Variants in PTPRD observed in about 807,000 individuals in gnomAD.
The protein encoded by PTPRD is receptor-type tyrosine-protein phosphatase delta.
A neutral mutation model predicts 214.5 loss-of-function variants in PTPRD; 34 were observed. That is an observed-to-expected ratio of 0.16 (90% CI 0.12 to 0.21). The LOEUF (loss-of-function observed/expected upper bound fraction) is 0.21, where lower values mean the gene tolerates loss of function less well. Among genes scored for constraint, PTPRD ranks in the 10% least tolerant of loss-of-function variants. PTPRD has a pLI of 1.00. For synonymous variants in PTPRD, 1,128 were observed against 845.7 expected (o/e 1.33, Z -5.79); for missense variants, 2,545 against 2,398.7 (o/e 1.06, Z -1.27).
intron 2 of PTPRD, among the ~76,000 whole-genome samples, chr9:10,416,375 C>T (rs1295025251): frequency 2.0e-5 from 3 of 151,534 alleles, no homozygotes; most frequent in Non-Finnish European, 3.0e-5. Context: ...GCAAAACAAA[C>T]ACAAAAGCAA....
At chr9:9,118,737 C>CAGTG (rs1325402907) in intron 10 of PTPRD, among the ~76,000 whole-genome samples, 1 of 152,132 alleles carries the variant, frequency 6.6e-6, no homozygotes, top group Non-Finnish European at 1.5e-5. Flanking sequence ...GACTAAAAAG[C>CAGTG]AGTGAGCTCA....
rs1412793098 is a variant in PTPRD at position 10,612,844 on chromosome 9, C to G, written c.-864G>C. ...GCTCCCGGCTCCTCGGAGAAGCAGC[C>G]GAGACGGCAAGGAGGAGGCGAGGCT... On this transcript the variant is annotated 5_prime_UTR_variant, in exon 1 of 46. Transcript: ENST00000381196. The G allele has an allele frequency of 6.6e-6, 1 of 152,100 alleles. No individual in the cohort carries two copies. Among genetic ancestry groups the G allele is most frequent in the Admixed American group, 6.6e-5 (1 of 15,260 alleles). The allele number at this position is 152,100 out of a possible 1,614,324, so 9.4% of individuals were successfully genotyped here.
chr9:9,074,938 T>C (rs1167315486), intron 10 of PTPRD, among the ~76,000 whole-genome samples: 1 of 151,772 alleles, frequency 6.6e-6, no homozygotes, highest in African/African-American at 2.4e-5. Context: ...TATCCTATCA[T>C]GTACCTTATC....
At chr9:10,457,662 A>G (rs1211809782) in intron 2 of PTPRD, among the ~76,000 whole-genome samples, 2 of 152,042 alleles carry the variant, frequency 1.3e-5, no homozygotes, top group African/African-American at 4.8e-5. Flanking sequence ...AAACTTTCAG[A>G]AAGTTTCCAA....
chr9:8,885,571 A>C (rs2098480489), intron 11 of PTPRD, among the ~76,000 whole-genome samples: 1 of 135,806 alleles, frequency 7.4e-6, no homozygotes, highest in Non-Finnish European at 1.5e-5. Context: ...ATCTCGGCTC[A>C]CTGAAACCTC....
chr9:8,671,233 T>G (rs1056946176), intron 12 of PTPRD, among the ~76,000 whole-genome samples: 1 of 152,216 alleles, frequency 6.6e-6, no homozygotes, highest in Non-Finnish European at 1.5e-5. Context: ...ATACTTCTCA[T>G]TTAATTTTTT....
intron 9 of PTPRD, among the ~76,000 whole-genome samples, chr9:9,345,832 T>C (rs952459510): frequency 2.2e-4 from 34 of 152,282 alleles, no homozygotes; most frequent in Admixed American, 8.5e-4. Flanking sequence ...CATTAGGTTA[T>C]TGTGATGATT....
At chr9:9,815,294 C>T (rs1335471454) in intron 5 of PTPRD, among the ~76,000 whole-genome samples, 1 of 151,902 alleles carries the variant, frequency 6.6e-6, no homozygotes, top group African/African-American at 2.4e-5. Flanking sequence ...ATAAATGGTG[C>T]CTGGAAAACT....
intron 9 of PTPRD, among the ~76,000 whole-genome samples, chr9:9,361,448 A>G (rs183368846): frequency 1.3e-5 from 2 of 151,128 alleles, no homozygotes; most frequent in East Asian, 3.9e-4. Context: ...TCAATTTTAT[A>G]CCTGATTACC....
intron 14 of PTPRD, among the ~76,000 whole-genome samples, chr9:8,590,259 A>G (rs2093996637): frequency 6.6e-6 from 1 of 152,170 alleles, no homozygotes; most frequent in Non-Finnish European, 1.5e-5. Context: ...GAAGTTCTAA[A>G]TATGACATAA....
chr9:9,176,598 AGAGGTGAGTAAGCCAT>A (rs2099925036), intron 10 of PTPRD, among the ~76,000 whole-genome samples: 1 of 152,176 alleles, frequency 6.6e-6, no homozygotes, highest in Admixed American at 6.6e-5. Flanking sequence ...GGGGCCTTAA[AGAGGTGAGTAAGCCAT>A]GAGGCCTCTG....
intron 11 of PTPRD, among the ~76,000 whole-genome samples, chr9:8,974,511 T>C (rs1261080247): frequency 1.3e-5 from 2 of 152,070 alleles, no homozygotes; most frequent in African/African-American, 4.8e-5. Context: ...ACCCATCATC[T>C]AGGATATGCT....
At chr9:9,261,751 T>A (rs1378815960) in intron 9 of PTPRD, among the ~76,000 whole-genome samples, 1 of 151,650 alleles carries the variant, frequency 6.6e-6, no homozygotes, top group African/African-American at 2.4e-5. Flanking sequence ...TTGAGTAAGA[T>A]CATTGGAAAA....
chr9:9,631,706 G>C (rs777760444), intron 7 of PTPRD, among the ~76,000 whole-genome samples: 11 of 152,092 alleles, frequency 7.2e-5, no homozygotes, highest in Admixed American at 6.6e-4. Flanking sequence ...TCTCCTGTCA[G>C]TGTTGATGAT....
At chr9:8,596,759 C>T (rs2094497812) in intron 14 of PTPRD, among the ~76,000 whole-genome samples, 1 of 151,978 alleles carries the variant, frequency 6.6e-6, no homozygotes, top group Non-Finnish European at 1.5e-5. Flanking sequence ...AATATTTAAT[C>T]CTTATCTAAG....
chr9:9,647,020 T>G (rs1342480734), intron 7 of PTPRD, among the ~76,000 whole-genome samples: 1 of 152,186 alleles, frequency 6.6e-6, no homozygotes, highest in African/African-American at 2.4e-5. Context: ...CCTACATTTT[T>G]TACCCTCTCA....
intron 7 of PTPRD, among the ~76,000 whole-genome samples, chr9:9,715,372 C>A (rs187430529): frequency 3.9e-5 from 6 of 152,118 alleles, no homozygotes; most frequent in Admixed American, 3.9e-4. Flanking sequence ...TATCTTACTT[C>A]CAAGTCCTTG....
intron 10 of PTPRD, among the ~76,000 whole-genome samples, chr9:9,115,945 T>C (rs1256160330): frequency 3.9e-5 from 6 of 152,164 alleles, no homozygotes; most frequent in Non-Finnish European, 8.8e-5. Context: ...TGGAGGCCCT[T>C]ATCCTAAGAT....
intron 10 of PTPRD, among the ~76,000 whole-genome samples, chr9:9,140,390 T>C (rs892835546): frequency 7.9e-5 from 12 of 152,136 alleles, no homozygotes; most frequent in African/African-American, 2.9e-4. Flanking sequence ...TGTCTTCTTG[T>C]GTAACACCAA....
Sources: allele counts gnomAD v4.1 joint callset (sites outside exome capture counted in the v4.1 genomes callset), GRCh38; gene constraint gnomAD v4.1.1; transcripts MANE v1.5; gene names NCBI Gene and HGNC (gene_info 2026-07-23, HGNC 2026-07-21).